Variants in CDH17 observed in about 807,000 individuals in gnomAD.
CDH17 encodes cadherin-17.
In CDH17, 67 loss-of-function variants were observed where a neutral mutation model predicts 86.3. The ratio of observed to expected loss-of-function variants is 0.78; its 90% CI spans 0.64 to 0.95. The LOEUF (loss-of-function observed/expected upper bound fraction) is 0.95, where lower values mean the gene tolerates loss of function less well. Ranked by LOEUF, CDH17 falls within the 40% of genes least tolerant of loss-of-function variation. The pLI, the probability that CDH17 is intolerant of heterozygous loss-of-function variation, is 0.00. For missense variants in CDH17, 993 were observed against 1,017.6 expected, an observed-to-expected ratio of 0.98 and a Z score of 0.33; for synonymous variants, 367 against 366.4, an observed-to-expected ratio of 1.00 and a Z score of -0.02.
In CDH17 at chr8:94,151,927, T is replaced by C. The variant is rs750178259; in HGVS notation, c.1737A>G (p.Val579=). 22 of 1,614,076 alleles carry C rather than the reference T, an allele frequency of 1.4e-5. No homozygotes were observed. In the South Asian group the frequency reaches 2.2e-4, roughly 16 times the overall value. Residue 579 remains valine (V), a synonymous_variant, in exon 13 of 18, where the codon GTA becomes GTG. Transcript: ENST00000027335. ...HVFQAKVSED[V]AIGTKVGNVT... is the part of the protein sequence containing the mutation. ...CATTGCCCACTTTAGTGCCTATAGC[T>C]ACATCCTCACTGACTTTCGCTTGGA... is the stretch of plus-strand genomic sequence containing the variant.
intron 5 of CDH17, among the ~76,000 whole-genome samples, chr8:94,174,874 T>A (rs1373941430): frequency 6.6e-6 from 1 of 152,200 alleles, no homozygotes; most frequent in Non-Finnish European, 1.5e-5. Context: ...ATTTTTGTCT[T>A]TAAAATCAAT....
intron 2 of CDH17, among the ~76,000 whole-genome samples, chr8:94,189,957 T>C (rs2623171): frequency 0.042 from 6,359 of 152,282 alleles, 161 homozygotes; most frequent in African/African-American, 0.065. Context: ...AGCCCCACAA[T>C]GGTTCCAAAA....
At chr8:94,131,703 T>G (rs1189128184) in intron 15 of CDH17, among the ~76,000 whole-genome samples, 1 of 152,054 alleles carries the variant, frequency 6.6e-6, no homozygotes, top group Non-Finnish European at 1.5e-5. Context: ...TAATACTTTG[T>G]GCACATGTAC....
intron 3 of CDH17, among the ~76,000 whole-genome samples, chr8:94,179,117 C>CG (rs1262581271): frequency 6.6e-6 from 1 of 151,052 alleles, no homozygotes; most frequent in Non-Finnish European, 1.5e-5. Flanking sequence ...TTCCTAAGAT[C>CG]TGAAGTAGCC....
rs763170994 is a variant in CDH17, at chr8:94,174,269, C to T, written c.425-9G>A. The T allele has an allele frequency of 4.8e-6, 7 of 1,457,202 alleles. No homozygotes were observed. Among genetic ancestry groups the T allele is most frequent in the Non-Finnish European group, 6.4e-6 (7 of 1,088,142 alleles). 90.3% of individuals were successfully genotyped at this position (1,457,202 alleles called of 1,614,324 possible). A position where few individuals can be genotyped will look rare whatever the true frequency, so the allele number is the denominator to read the frequency against. ...ATACAAGAAGGGCTTTCCTGTTTAA[C>T]AAGACGTACCCAGAAAAAAAAAAAA... On this transcript the variant is annotated splice_polypyrimidine_tract_variant and intron_variant, in intron 5 of 17. Transcript: ENST00000027335.
In CDH17 at chr8:94,131,167, G is replaced by A. The variant is rs79188805; in HGVS notation, c.2168-175C>T. 8.1e-3 allele frequency among the ~76,000 whole-genome samples: 1,241 copies of A among 152,274 alleles called. 16 individuals are homozygous for A. Among genetic ancestry groups the A allele is most frequent in the African/African-American group, 0.026 (1,066 of 41,556 alleles). On this transcript the variant is annotated intron_variant, in intron 15 of 17. Transcript: ENST00000027335. ...GTATCTTCCCATAAGGTAAGAAAGG[G>A]CTAAAGCATCCTTTAAGTTCTTAAT...
chr8:94,131,446 C>G (rs1280117592), intron 15 of CDH17, among the ~76,000 whole-genome samples: 1 of 152,214 alleles, frequency 6.6e-6, no homozygotes, highest in East Asian at 1.9e-4. Flanking sequence ...ATTTAACTCA[C>G]ATCTAACAGC....
At chr8:94,215,207 T>C (rs1340014808) in intron 1 of CDH17, among the ~76,000 whole-genome samples, 2 of 152,194 alleles carry the variant, frequency 1.3e-5, no homozygotes, top group Admixed American at 6.5e-5. Context: ...AGCAGCATTA[T>C]TCATAATAGC....
chr8:94,157,760 T>C (rs1210874817), intron 12 of CDH17, among the ~76,000 whole-genome samples: 1 of 151,880 alleles, frequency 6.6e-6, no homozygotes, highest in Non-Finnish European at 1.5e-5. Flanking sequence ...TCTACAAAAA[T>C]AAAAAATTAG....
intron 13 of CDH17, among the ~76,000 whole-genome samples, chr8:94,150,177 T>C (rs953838653): frequency 6.6e-6 from 1 of 152,206 alleles, no homozygotes; most frequent in African/African-American, 2.4e-5. Context: ...CCCTTTATAC[T>C]TGGGATTTCA....
rs576772190 is a variant in CDH17, at chr8:94,163,071, T to A, written c.1283-909A>T. Among the ~76,000 whole-genome samples the A allele has an allele frequency of 2.0e-5, 3 of 152,364 alleles. No homozygotes were observed. In the South Asian group the frequency reaches 6.2e-4, roughly 32 times the overall value. Reference sequence around the variant, plus strand: ...GTGAATAACAGAACAGATGTTTTCATCATAATACAGTTGTTAGCGGCCTCT... The same window carrying A: ...GTGAATAACAGAACAGATGTTTTCAACATAATACAGTTGTTAGCGGCCTCT... On this transcript the variant is annotated intron_variant, in intron 10 of 17. Coordinates refer to ENST00000027335, the MANE Select transcript of CDH17 (RefSeq NM_004063.4).
At chr8:94,146,340 C>G (rs926958794) in intron 14 of CDH17, among the ~76,000 whole-genome samples, 173 bp from the exon 15 acceptor site, 1 of 152,158 alleles carries the variant, frequency 6.6e-6, no homozygotes, top group Non-Finnish European at 1.5e-5. Context: ...TCTTACTGAC[C>G]ATCATAATAA....
chr8:94,129,238 G>A lies in CDH17; in HGVS notation c.2399-898C>T, dbSNP rs558946342. Among the ~76,000 whole-genome samples, 8 of 152,146 alleles carry A rather than the reference G, an allele frequency of 5.3e-5. No individual in the cohort carries two copies. The South Asian group carries it at 8.3e-4, about 16-fold the overall frequency. ...TTCAAAAATCCTTTCAAGGTGGGAG[G>A]GCAAATAGAATAAGAAAAGGCACAG... is the stretch of plus-strand genomic sequence containing the variant. On this transcript the variant is annotated intron_variant, in intron 17 of 17. Coordinates refer to ENST00000027335, the MANE Select transcript of CDH17 (RefSeq NM_004063.4).
At position 94,146,184 on chromosome 8, in the gene CDH17, T is replaced by C. The variant is rs1812740880; in HGVS notation, c.1928-17A>G. On this transcript the variant is annotated splice_polypyrimidine_tract_variant and intron_variant, in intron 14 of 17. Transcript: ENST00000027335. Reference sequence around the variant, plus strand: ...AAGACCCCCCTAAGGAATTGAATGATTGAAACATGGGATCAGTTCACTCAT... The same window carrying C: ...AAGACCCCCCTAAGGAATTGAATGACTGAAACATGGGATCAGTTCACTCAT... 1.4e-6 allele frequency: 2 copies of C among 1,474,174 alleles called. No homozygotes were observed. Among genetic ancestry groups the C allele is most frequent in the South Asian group, 1.5e-5 (1 of 65,720 alleles). 91.3% of individuals were successfully genotyped at this position (1,474,174 alleles called of 1,614,324 possible). A position where few individuals can be genotyped will look rare whatever the true frequency, so the allele number is the denominator to read the frequency against.
chr8:94,173,730 G>C, intron 7 of CDH17, 67 bp downstream of exon 7: 1 of 1,137,586 alleles, frequency 8.8e-7, no homozygotes, highest in Admixed American at 1.7e-5. Flanking sequence ...GACTGTGAGG[G>C]TGGGTCTCTA....
intron 9 of CDH17, among the ~76,000 whole-genome samples, chr8:94,169,957 A>G (rs971754708): frequency 1.3e-5 from 2 of 152,166 alleles, no homozygotes; most frequent in Admixed American, 1.3e-4. Flanking sequence ...GGTGTTGCTT[A>G]CTTATTGCAG....
chr8:94,140,644 G>GTTCT (rs1209647871), intron 15 of CDH17, among the ~76,000 whole-genome samples: 1 of 152,042 alleles, frequency 6.6e-6, no homozygotes. Context: ...CCAAAAGCTG[G>GTTCT]TTCTTTGAAA....
chr8:94,163,989 C>T (rs1813108183), intron 10 of CDH17, among the ~76,000 whole-genome samples: 1 of 152,136 alleles, frequency 6.6e-6, no homozygotes, highest in South Asian at 2.1e-4. Flanking sequence ...TTCTGTAGTG[C>T]ACAGTTGAAT....
At chr8:94,131,783 C>T (rs1274514491) in intron 15 of CDH17, among the ~76,000 whole-genome samples, 1 of 152,130 alleles carries the variant, frequency 6.6e-6, no homozygotes. Context: ...TACTCATCAA[C>T]TCGTCATTTA....
Sources: gnomAD v4.1 joint callset for allele counts (sites outside exome capture counted in the v4.1 genomes callset) on GRCh38, gnomAD v4.1.1 for gene constraint, MANE v1.5 for transcripts, NCBI Gene and HGNC (gene_info 2026-07-23, HGNC 2026-07-21) for gene names.